Variants in PACSIN2 observed in about 807,000 individuals in gnomAD.
PACSIN2 encodes the protein protein kinase C and casein kinase substrate in neurons protein 2.
Under a neutral mutation model 63.8 loss-of-function variants are expected in PACSIN2, and 25 were observed. The observed-to-expected ratio is 0.39, with a 90% CI of 0.29 to 0.55. PACSIN2 has a LOEUF of 0.55. Among genes scored for constraint, PACSIN2 ranks in the 20% least tolerant of loss-of-function variants. The pLI is 0.62. For missense variants in PACSIN2, 518 were observed against 646.9 expected, an observed-to-expected ratio of 0.80 and a Z score of 2.16; for synonymous variants, 255 against 256.2, an observed-to-expected ratio of 1.00 and a Z score of 0.05.
chr22:42,896,878 T>C (rs1181192629), intron 2 of PACSIN2, among the ~76,000 whole-genome samples: 1 of 152,250 alleles, frequency 6.6e-6, no homozygotes. Context: ...AGTCTAATAA[T>C]ACTGAAAATC....
intron 2 of PACSIN2, among the ~76,000 whole-genome samples, chr22:42,905,717 G>C (rs62231596): frequency 7.0e-4 from 107 of 152,364 alleles, no homozygotes; most frequent in Middle Eastern, 6.8e-3. Context: ...AAAAATGACA[G>C]ATTCGACGGC....
rs73176839 is a variant in PACSIN2 at position 42,871,399 on chromosome 22, T to C, written c.1419A>G (p.Gln473=). ...CATAATTTGCCGGGTATAGGCCAAC[T>C]TGCCCGTTGTCCAAGCGTCCCTTGC... ...GWCKGRLDNG[Q]VGLYPANYVE... is the part of the protein sequence containing the mutation. The change falls in exon 11 of 11, where the codon CAA becomes CAG. Residue 473 remains glutamine (Q), a synonymous_variant. Coordinates refer to ENST00000263246, the MANE Select transcript of PACSIN2 (RefSeq NM_001184970.3). This position sits in a 1 kb window ranked among gnomAD's most constrained non-coding sequence, Gnocchi z 5.4. 6.4e-5 allele frequency: 103 copies of C among 1,614,164 alleles called. No homozygotes were observed. Among genetic ancestry groups the C allele is most frequent in the Non-Finnish European group, 7.6e-5 (90 of 1,179,972 alleles).
chr22:42,996,597 G>T (rs1335150718), intron 1 of PACSIN2, among the ~76,000 whole-genome samples: 1 of 151,718 alleles, frequency 6.6e-6, no homozygotes, highest in Non-Finnish European at 1.5e-5. Context: ...GGAGGGTGAG[G>T]TGAGAGGATC....
chr22:42,934,328 C>T (rs1039368360), intron 1 of PACSIN2, among the ~76,000 whole-genome samples: 3 of 152,236 alleles, frequency 2.0e-5, no homozygotes, highest in African/African-American at 4.8e-5. Context: ...CTACGGGAAA[C>T]GCAAGACCTT....
Position 42,882,254 on chromosome 22 carries a change from G to C in PACSIN2, c.836C>G (p.Ala279Gly). The change falls in exon 7 of 11, where the codon GCA (alanine) becomes GGA (glycine). Residue 279 changes from alanine (A) to glycine (G), a missense_variant. Physicochemically the swap from Ala to Gly is moderately conservative, Grantham distance 60. This residue lies in a region of PACSIN2 where 507 missense variants were observed against 612.3 expected (regional missense o/e 0.83). Transcript: ENST00000263246. Reference protein sequence around the residue: ...DLEQSIRAADAVEDLRWFRAN... With the variant: ...DLEQSIRAADGVEDLRWFRAN... ...TCGGAACCACCTCAGGTCCTCCACT[G>C]CATCAGCTGCTCTGATGCTCTGCTC... The C allele has an allele frequency of 6.2e-7, 1 of 1,613,858 alleles. No individual in the cohort carries two copies.
In PACSIN2 at chr22:42,873,369, T is replaced by TA. The variant is rs201639218; in HGVS notation, c.1349-1901dup. Among the ~76,000 whole-genome samples, 439 of 151,030 alleles carry TA rather than the reference T, an allele frequency of 2.9e-3. 3 individuals are homozygous for TA. The highest frequency in any genetic ancestry group is 8.9e-3 in the African/African-American group (366 of 41,158). On this transcript the variant is annotated intron_variant, in intron 10 of 10. Transcript: ENST00000263246. The stretch of plus-strand genomic sequence containing the variant: ...GGATGAAGATGGCTTAAAGGCACAT[T>TA]AAAAAAAAATCCAAAAAAACAAAAA...
At chr22:42,883,490 C>A (rs934232506) in intron 6 of PACSIN2, among the ~76,000 whole-genome samples, 10 of 152,220 alleles carry the variant, frequency 6.6e-5, no homozygotes, top group East Asian at 1.9e-4. Context: ...TTAGCTGGGA[C>A]CTCTGCCCTG....
intron 1 of PACSIN2, among the ~76,000 whole-genome samples, chr22:42,998,250 C>T (rs891757497): frequency 6.6e-6 from 1 of 152,242 alleles, no homozygotes; most frequent in Non-Finnish European, 1.5e-5. Context: ...AAAATTCCTT[C>T]AGGGACCGTG....
At chr22:42,900,360 T>A (rs922546768) in intron 2 of PACSIN2, among the ~76,000 whole-genome samples, 1 of 152,246 alleles carries the variant, frequency 6.6e-6, no homozygotes, top group African/African-American at 2.4e-5. Flanking sequence ...GACGGCGTCA[T>A]AATAGAGCAT....
chr22:42,980,048 T>C (rs750188926), intron 1 of PACSIN2, among the ~76,000 whole-genome samples: 2 of 151,912 alleles, frequency 1.3e-5, no homozygotes, highest in Non-Finnish European at 2.9e-5. Context: ...TTAAAACAAG[T>C]TTCTATTAAA....
chr22:43,015,135 C>G lies in PACSIN2; in HGVS notation c.-192G>C, dbSNP rs528302782. 6.5e-6 allele frequency: 1 copy of G among 152,774 alleles called. No individual in the cohort carries two copies. Among genetic ancestry groups the G allele is most frequent in the Admixed American group, 6.5e-5 (1 of 15,272 alleles). 9.5% of individuals were successfully genotyped at this position (152,774 alleles called of 1,614,324 possible). On this transcript the variant is annotated 5_prime_UTR_variant, in exon 1 of 11. Transcript: ENST00000263246. Reference sequence around the variant, plus strand: ...AGCACTGCCCAGCCCTGCCCAGACCCCTGCGGCCGCTTCTGCCGCCAGCCG... The same window carrying G: ...AGCACTGCCCAGCCCTGCCCAGACCGCTGCGGCCGCTTCTGCCGCCAGCCG...
intron 1 of PACSIN2, among the ~76,000 whole-genome samples, chr22:43,005,073 G>A (rs5759082): frequency 0.58 from 87,623 of 152,128 alleles, 25,666 homozygotes; most frequent in East Asian, 0.81. Context: ...AAAGTAAAAG[G>A]GCAATGGTAC....
chr22:42,898,871 C>T (rs1164425794), intron 2 of PACSIN2, among the ~76,000 whole-genome samples: 1 of 152,166 alleles, frequency 6.6e-6, no homozygotes, highest in Non-Finnish European at 1.5e-5. Context: ...GCAGAAACAT[C>T]CGTGCAATCA....
At chr22:43,003,335 G>A (rs141718130) in intron 1 of PACSIN2, among the ~76,000 whole-genome samples, 1,672 of 152,260 alleles carry the variant, frequency 0.011, 28 homozygotes, top group African/African-American at 0.038. Context: ...GGCTGGGCGC[G>A]GTGGCTCACG....
intron 1 of PACSIN2, among the ~76,000 whole-genome samples, chr22:42,941,398 A>C (rs990197864): frequency 6.6e-6 from 1 of 152,170 alleles, no homozygotes; most frequent in African/African-American, 2.4e-5. Flanking sequence ...ATTTCTTTTG[A>C]GTAGATACCT....
At chr22:42,886,260 T>A (rs1302580908) in intron 5 of PACSIN2, among the ~76,000 whole-genome samples, 1 of 152,180 alleles carries the variant, frequency 6.6e-6, no homozygotes, top group African/African-American at 2.4e-5. Flanking sequence ...CGAACACCCA[T>A]GGAGTAAAAC....
At chr22:42,981,809 G>A (rs1375693741) in intron 1 of PACSIN2, among the ~76,000 whole-genome samples, 3 of 124,578 alleles carry the variant, frequency 2.4e-5, no homozygotes, top group Non-Finnish European at 5.2e-5. Flanking sequence ...CAGCCGCCCA[G>A]TCCGGGAGGG....
intron 1 of PACSIN2, among the ~76,000 whole-genome samples, chr22:42,933,696 T>G (rs554614770): frequency 2.0e-5 from 3 of 152,190 alleles, no homozygotes; most frequent in Non-Finnish European, 4.4e-5. Flanking sequence ...CCCCGCACCC[T>G]GCACCGTCCT....
chr22:42,999,209 G>A (rs529272179), intron 1 of PACSIN2, among the ~76,000 whole-genome samples: 28 of 152,148 alleles, frequency 1.8e-4, no homozygotes, highest in Non-Finnish European at 2.2e-4. Flanking sequence ...TGCTCGCCTC[G>A]GCCCCTGTAC....
Sources: allele counts gnomAD v4.1 joint callset (sites outside exome capture counted in the v4.1 genomes callset), GRCh38; gene constraint gnomAD v4.1.1; regional missense constraint gnomAD v4.1.1; non-coding constraint Gnocchi (gnomAD v3.1); transcripts MANE v1.5; gene names NCBI Gene and HGNC (gene_info 2026-07-23, HGNC 2026-07-21).